KIAA0586: variants seen among roughly 807,000 people sequenced by gnomAD.
KIAA0586 encodes KIAA0586.
A neutral mutation model predicts 169.8 loss-of-function variants in KIAA0586; 144 were observed. That is an observed-to-expected ratio of 0.85 (90% CI 0.74 to 0.97). The LOEUF (loss-of-function observed/expected upper bound fraction) is 0.97, where lower values mean the gene tolerates loss of function less well. Among genes scored for constraint, KIAA0586 ranks in the 50% least tolerant of loss-of-function variants. KIAA0586 has a pLI of 0.00. For synonymous variants in KIAA0586, 625 were observed against 612.4 expected (o/e 1.02, Z -0.30); for missense variants, 1,854 against 1,823.0 (o/e 1.02, Z -0.31).
intron 27 of KIAA0586, among the ~76,000 whole-genome samples, chr14:58,499,317 A>G (rs1216222507): frequency 6.6e-6 from 1 of 151,998 alleles, no homozygotes; most frequent in African/African-American, 2.4e-5. Flanking sequence ...CAGTGACACA[A>G]TCTCGGCCCA....
chr14:58,520,668 G>C (rs1263883099), intron 29 of KIAA0586, among the ~76,000 whole-genome samples: 1 of 151,960 alleles, frequency 6.6e-6, no homozygotes, highest in Non-Finnish European at 1.5e-5. Context: ...GATGGCAGGC[G>C]TGTGCCACCA....
intron 4 of KIAA0586, chr14:58,439,779 G>A: frequency 2.1e-6 from 2 of 940,050 alleles, no homozygotes; most frequent in Non-Finnish European, 2.5e-6. Flanking sequence ...TATCAAAGAG[G>A]AGTAAGTTTA....
At chr14:58,486,414 A>G (rs1183005252) in intron 21 of KIAA0586, among the ~76,000 whole-genome samples, 2 of 152,162 alleles carry the variant, frequency 1.3e-5, no homozygotes, top group African/African-American at 4.8e-5. Context: ...CAATGAACAT[A>G]TGAGTGCATG....
chr14:58,542,923 C>T (rs1294019205), intron 30 of KIAA0586, among the ~76,000 whole-genome samples: 4 of 151,328 alleles, frequency 2.6e-5, no homozygotes, highest in Non-Finnish European at 5.9e-5. Flanking sequence ...AGGTGGATCA[C>T]GAGATCAGGA....
intron 30 of KIAA0586, among the ~76,000 whole-genome samples, chr14:58,543,042 G>A (rs1473704149): frequency 6.7e-6 from 1 of 149,942 alleles, no homozygotes; most frequent in Non-Finnish European, 1.5e-5. Flanking sequence ...TGAGGCAGGA[G>A]AATGGCGTGA....
chr14:58,432,452 G>C lies in KIAA0586; in HGVS notation c.405G>C (p.Lys135Asn). 6.6e-7 allele frequency: 1 copy of C among 1,525,600 alleles called. No individual in the cohort carries two copies. Among genetic ancestry groups the C allele is most frequent in the Non-Finnish European group, 8.9e-7 (1 of 1,120,170 alleles). The allele number at this position is 1,525,600 out of a possible 1,614,324, so 94.5% of individuals were successfully genotyped here. The change falls in exon 4 of 31, where the codon AAG becomes AAC. Residue 135 changes from lysine to asparagine, a missense_variant. Transcript: ENST00000652326. ...AAGATGCTCTAAGAACAGTTTTAAA[G>C]CAAAAGTAAGTTTCATTTACAGAAA... is the stretch of plus-strand genomic sequence containing the variant. ...GQKDALRTVL[K>N]QKAQSMPVFK...
chr14:58,455,746 C>T (rs2039782067), intron 9 of KIAA0586, among the ~76,000 whole-genome samples: 1 of 152,016 alleles, frequency 6.6e-6, no homozygotes, highest in Non-Finnish European at 1.5e-5. Context: ...GCCTCCAGTG[C>T]CTGGCAGATT....
At chr14:58,541,197 C>A (rs1314385790) in intron 30 of KIAA0586, among the ~76,000 whole-genome samples, 1 of 152,232 alleles carries the variant, frequency 6.6e-6, no homozygotes, top group Non-Finnish European at 1.5e-5. Flanking sequence ...AGGAACAAAT[C>A]AATTTGGTTC....
chr14:58,509,188 C>G (rs1448783919), intron 28 of KIAA0586, among the ~76,000 whole-genome samples: 1 of 151,960 alleles, frequency 6.6e-6, no homozygotes, highest in Non-Finnish European at 1.5e-5. Context: ...CCACTGCACT[C>G]CAGCTGGTGA....
intron 7 of KIAA0586, among the ~76,000 whole-genome samples, chr14:58,449,098 T>C (rs1323592320): frequency 1.3e-5 from 2 of 152,238 alleles, no homozygotes; most frequent in African/African-American, 4.8e-5. Context: ...ATTTGAATAA[T>C]GAACTAAAGA....
chr14:58,507,498 CAG>C (rs979301883), intron 27 of KIAA0586, among the ~76,000 whole-genome samples: 2 of 151,368 alleles, frequency 1.3e-5, no homozygotes, highest in African/African-American at 4.8e-5. Context: ...GACTGTGAAA[CAG>C]AGAGCAGTGA....
intron 3 of KIAA0586, among the ~76,000 whole-genome samples, chr14:58,431,878 T>TTA (rs1323447192): frequency 6.6e-6 from 1 of 152,216 alleles, no homozygotes; most frequent in Non-Finnish European, 1.5e-5. Context: ...AGCTTGAATG[T>TTA]TATTAGTGTA....
At chr14:58,450,547 A>T in intron 7 of KIAA0586, 32 bp from the exon 8 acceptor site, 1 of 1,332,774 alleles carries the variant, frequency 7.5e-7, no homozygotes, top group Non-Finnish European at 1.1e-6. Flanking sequence ...TTTTAAAAGC[A>T]AGTTAAGTTT....
chr14:58,555,547 A>G (rs1438932625), downstream of KIAA0586, among the ~76,000 whole-genome samples: 1 of 152,176 alleles, frequency 6.6e-6, no homozygotes, highest in Non-Finnish European at 1.5e-5. Context: ...ATTTTGTTTT[A>G]CCTTTTCGGT....
chr14:58,441,251 T>A (rs1313282603), intron 4 of KIAA0586: 1 of 429,228 alleles, frequency 2.3e-6, no homozygotes, highest in East Asian at 7.4e-5. Flanking sequence ...GCTGGAGTGA[T>A]CACAGTGGGG....
intron 26 of KIAA0586, among the ~76,000 whole-genome samples, chr14:58,497,621 C>T (rs930525716): frequency 2.7e-5 from 4 of 149,634 alleles, no homozygotes; most frequent in Admixed American, 6.6e-5. Flanking sequence ...CCTTGACCTC[C>T]CAAAGTGCTG....
intron 29 of KIAA0586, among the ~76,000 whole-genome samples, chr14:58,523,516 A>G (rs778806288): frequency 1.9e-4 from 29 of 152,188 alleles, no homozygotes; most frequent in Middle Eastern, 3.4e-3. Flanking sequence ...CTATTAGATC[A>G]ATTAGTAGCC....
intron 29 of KIAA0586, among the ~76,000 whole-genome samples, chr14:58,526,303 G>A (rs2045580661): frequency 6.6e-6 from 1 of 152,182 alleles, no homozygotes; most frequent in Non-Finnish European, 1.5e-5. Context: ...ACCTCATACA[G>A]GAGATCTATG....
At chr14:58,475,972 C>A (rs1420675211) in intron 19 of KIAA0586, among the ~76,000 whole-genome samples, 2 of 152,154 alleles carry the variant, frequency 1.3e-5, no homozygotes, top group African/African-American at 4.8e-5. Flanking sequence ...ATGGTGCACA[C>A]CTGTGGTCCC....
Sources: allele counts gnomAD v4.1 joint callset (sites outside exome capture counted in the v4.1 genomes callset), GRCh38; gene constraint gnomAD v4.1.1; transcripts MANE v1.5; gene names NCBI Gene and HGNC (gene_info 2026-07-23, HGNC 2026-07-21).